Variants in DPP10 observed in about 807,000 individuals in gnomAD.
DPP10 encodes the protein inactive dipeptidyl peptidase 10.
DPP10 carries 33 observed loss-of-function variants against 120.9 expected under a neutral mutation model. The ratio of observed to expected loss-of-function variants is 0.27; its 90% CI spans 0.21 to 0.37. DPP10 has a LOEUF of 0.37. DPP10 is among the 10% of genes least tolerant of loss of function. The pLI is 1.00. For synonymous variants in DPP10, 337 were observed against 326.1 expected (o/e 1.03, Z -0.36); for missense variants, 816 against 942.8 (o/e 0.87, Z 1.76).
chr2:115,243,916 C>T (rs1332496478), intron 1 of DPP10, among the ~76,000 whole-genome samples: 1 of 151,248 alleles, frequency 6.6e-6, no homozygotes, highest in African/African-American at 2.4e-5. Flanking sequence ...ATAGATGCTC[C>T]CCATTATAAA....
chr2:114,704,116 G>A (rs771783829), intron 1 of DPP10, among the ~76,000 whole-genome samples: 1 of 152,098 alleles, frequency 6.6e-6, no homozygotes, highest in Non-Finnish European at 1.5e-5. Flanking sequence ...TAGGAATAAG[G>A]CAATGCTCAG....
intron 3 of DPP10, among the ~76,000 whole-genome samples, chr2:115,363,395 C>G (rs913492099): frequency 6.6e-6 from 1 of 152,154 alleles, no homozygotes; most frequent in Non-Finnish European, 1.5e-5. Flanking sequence ...TAAGGATTGC[C>G]TGCTCTCCTC....
At chr2:114,899,895 G>A (rs1263435148) in intron 1 of DPP10, among the ~76,000 whole-genome samples, 12 of 152,232 alleles carry the variant, frequency 7.9e-5, no homozygotes, top group Non-Finnish European at 1.5e-4. Flanking sequence ...GGGAGGTGGA[G>A]CTGGCAGTGA....
At chr2:115,352,126 C>T (rs561239583) in intron 3 of DPP10, among the ~76,000 whole-genome samples, 85 of 152,076 alleles carry the variant, frequency 5.6e-4, no homozygotes, top group African/African-American at 2.0e-3. Flanking sequence ...AAATATATTT[C>T]TATCACCTAG....
intron 21 of DPP10, among the ~76,000 whole-genome samples, chr2:115,817,524 C>T (rs1166690029): frequency 6.6e-6 from 1 of 152,144 alleles, no homozygotes; most frequent in Non-Finnish European, 1.5e-5. Flanking sequence ...CCACTTCAAA[C>T]ATCTGCAGTG....
rs1553538951 is a variant in DPP10 at position 115,286,526 on chromosome 2, A to AAT, written c.61-22699_61-22698dup. Among the ~76,000 whole-genome samples the AAT allele has an allele frequency of 2.8e-4, 17 of 60,946 alleles. 3 individuals are homozygous for AAT. Among genetic ancestry groups the AAT allele is most frequent in the Non-Finnish European group, 3.6e-4 (11 of 30,152 alleles). The allele number at this position is 60,946 out of a possible 152,430, so 40.0% of individuals were successfully genotyped here. ...TATTACATATATAATATATATATATAATATATATATATATAAAATATATAC... is the reference window on the plus strand; with the variant it reads ...TATTACATATATAATATATATATATAATATATATATATATATAAAATATATAC... On this transcript the variant is annotated intron_variant, in intron 1 of 25. Transcript: ENST00000410059.
At chr2:115,582,108 G>C (rs1350383311) in intron 5 of DPP10, among the ~76,000 whole-genome samples, 1 of 152,166 alleles carries the variant, frequency 6.6e-6, no homozygotes, top group Admixed American at 6.5e-5. Flanking sequence ...CGAGATCCAA[G>C]TGCCCCATCT....
intron 1 of DPP10, chr2:115,162,214 C>T: frequency 6.4e-7 from 1 of 1,557,590 alleles, no homozygotes; most frequent in East Asian, 2.4e-5. Context: ...TCTGCGTGCG[C>T]TCCGGGGCCC....
At chr2:114,661,046 AAGAC>A (rs1275557216) in intron 1 of DPP10, among the ~76,000 whole-genome samples, 10 of 152,350 alleles carry the variant, frequency 6.6e-5, no homozygotes, top group Admixed American at 4.6e-4. Context: ...TTTAAAATAA[AAGAC>A]AGAATTTCAG....
intron 1 of DPP10, among the ~76,000 whole-genome samples, chr2:114,478,915 A>T (rs1424548730): frequency 6.7e-6 from 1 of 150,294 alleles, no homozygotes; most frequent in Non-Finnish European, 1.5e-5. Flanking sequence ...GATGAAAGAA[A>T]TCAAATAAAA....
intron 19 of DPP10, among the ~76,000 whole-genome samples, chr2:115,807,791 GA>G (rs200850979): frequency 0.42 from 59,867 of 141,186 alleles, 14,437 homozygotes; most frequent in East Asian, 0.68. Flanking sequence ...TGGAGATCAA[GA>G]AAAAAAAAAA....
chr2:115,642,990 T>G (rs1224992206), intron 5 of DPP10, among the ~76,000 whole-genome samples: 1 of 152,170 alleles, frequency 6.6e-6, no homozygotes, highest in East Asian at 1.9e-4. Flanking sequence ...TCTGATAGAT[T>G]ACTTCTAAGA....
chr2:115,624,360 A>C (rs1193885673), intron 5 of DPP10, among the ~76,000 whole-genome samples: 1 of 152,110 alleles, frequency 6.6e-6, no homozygotes, highest in Non-Finnish European at 1.5e-5. Context: ...ACAGTATCGA[A>C]ATGTTATCAT....
chr2:115,448,008 T>G (rs577515807), intron 3 of DPP10, among the ~76,000 whole-genome samples: 10 of 152,328 alleles, frequency 6.6e-5, no homozygotes, highest in Admixed American at 5.9e-4. Context: ...TACAGAAGTT[T>G]GTTAGACCTG....
At chr2:114,900,434 GC>G (rs1230997451) in intron 1 of DPP10, among the ~76,000 whole-genome samples, 1 of 152,102 alleles carries the variant, frequency 6.6e-6, no homozygotes, top group Non-Finnish European at 1.5e-5. Context: ...TACTATTGTA[GC>G]TTTAACTGTC....
At chr2:115,259,546 A>G (rs1258696788) in intron 1 of DPP10, among the ~76,000 whole-genome samples, 1 of 152,070 alleles carries the variant, frequency 6.6e-6, no homozygotes, top group East Asian at 1.9e-4. Flanking sequence ...TTGTACCCAT[A>G]TTAGTAATAG....
At chr2:114,749,856 T>C (rs968697956) in intron 1 of DPP10, among the ~76,000 whole-genome samples, 1 of 152,136 alleles carries the variant, frequency 6.6e-6, no homozygotes, top group African/African-American at 2.4e-5. Context: ...AATTATGTTG[T>C]AAATTTGTCC....
At chr2:115,553,953 G>C (rs911524101) in intron 5 of DPP10, among the ~76,000 whole-genome samples, 15 of 150,616 alleles carry the variant, frequency 1.0e-4, no homozygotes, top group Non-Finnish European at 1.8e-4. Context: ...GAGAGGGCCA[G>C]ATTCAGGTTA....
intron 3 of DPP10, among the ~76,000 whole-genome samples, chr2:115,480,910 T>A (rs1261821002): frequency 1.3e-5 from 2 of 152,184 alleles, no homozygotes; most frequent in African/African-American, 2.4e-5. Flanking sequence ...TTAATTCTTG[T>A]GTTTCTTTAG....
Sources: allele counts gnomAD v4.1 joint callset (sites outside exome capture counted in the v4.1 genomes callset), GRCh38; gene constraint gnomAD v4.1.1; transcripts MANE v1.5; gene names NCBI Gene and HGNC (gene_info 2026-07-23, HGNC 2026-07-21).